PKNOX2: variants seen among roughly 807,000 people sequenced by gnomAD.
PKNOX2 encodes the protein PBX/knotted 1 homeobox 2, also known as homeobox protein PKNOX2.
A neutral mutation model predicts 53.1 loss-of-function variants in PKNOX2; 14 were observed. The ratio of observed to expected loss-of-function variants is 0.26; its 90% CI spans 0.17 to 0.41. PKNOX2 has a LOEUF of 0.41. PKNOX2 is among the 10% of genes least tolerant of loss of function. PKNOX2 has a pLI of 1.00. For missense variants in PKNOX2, 496 were observed against 602.8 expected, an observed-to-expected ratio of 0.82 and a Z score of 1.85; for synonymous variants, 257 against 242.8, an observed-to-expected ratio of 1.06 and a Z score of -0.54.
At chr11:125,411,608 A>C in intron 9 of PKNOX2, 138 bp from the exon 10 acceptor site, 1 of 1,386,308 alleles carries the variant, frequency 7.2e-7, no homozygotes, top group South Asian at 1.2e-5. Context: ...GCTGAGAGGG[A>C]AAGGTGACCT....
intron 2 of PKNOX2, chr11:125,330,255 C>A (rs57947808): frequency 0.069 from 10,447 of 152,378 alleles, 1,082 homozygotes; most frequent in African/African-American, 0.22. Context: ...GGAGGAATCA[C>A]GCATATCTCC....
chr11:125,315,502 G>T (rs1043328131), intron 2 of PKNOX2, among the ~76,000 whole-genome samples: 4 of 152,084 alleles, frequency 2.6e-5, no homozygotes, highest in African/African-American at 7.2e-5. Context: ...GAGTGGGCTT[G>T]GTGCCAGCAC....
chr11:125,189,367 ATGTATATATATATATGTG>A (rs769504015), intron 1 of PKNOX2, among the ~76,000 whole-genome samples: 150 of 95,134 alleles, frequency 1.6e-3, no homozygotes, highest in African/African-American at 5.8e-3. Context: ...ATATATATAT[ATGTATATATATATATGTG>A]TGTATATATA....
intron 2 of PKNOX2, among the ~76,000 whole-genome samples, chr11:125,253,421 G>A (rs1028135318): frequency 6.6e-6 from 1 of 152,130 alleles, no homozygotes; most frequent in African/African-American, 2.4e-5. Flanking sequence ...GAGCCTGTTT[G>A]GGTGTGAGTG....
rs142862381 is a variant in PKNOX2, at chr11:125,285,234, C to T, written c.-129-46585C>T. Among the ~76,000 whole-genome samples, 446 of 152,236 alleles carry T rather than the reference C, an allele frequency of 2.9e-3. 1 individual carries two copies. Among genetic ancestry groups the T allele is most frequent in the Non-Finnish European group, 4.3e-3 (295 of 68,018 alleles). On this transcript the variant is annotated intron_variant, in intron 2 of 12. Coordinates refer to ENST00000298282, the MANE Select transcript of PKNOX2 (RefSeq NM_001382323.2). ...GCCTGAACCAGGACTCAGGCTGGTG[C>T]TCCTACACACAGTCTGCTGCTTTGA...
chr11:125,189,003 G>C (rs965440654), intron 1 of PKNOX2, among the ~76,000 whole-genome samples: 3 of 152,060 alleles, frequency 2.0e-5, no homozygotes, highest in African/African-American at 7.2e-5. Context: ...AGGAGTTGCT[G>C]CTGATGGTCT....
chr11:125,400,559 A>C (rs891445743), intron 7 of PKNOX2, among the ~76,000 whole-genome samples: 1 of 152,172 alleles, frequency 6.6e-6, no homozygotes, highest in Non-Finnish European at 1.5e-5. Context: ...GGGTGGGCCA[A>C]TCTGACTGTT....
At position 125,227,282 on chromosome 11, in the gene PKNOX2, G is replaced by C. The variant is rs1056859260; in HGVS notation, c.-200-7763G>C. Among the ~76,000 whole-genome samples, 3 of 151,992 alleles carry C rather than the reference G, an allele frequency of 2.0e-5. No homozygotes were observed. The East Asian group carries it at 5.8e-4, about 29-fold the overall frequency. On this transcript the variant is annotated intron_variant, in intron 1 of 12. Transcript: ENST00000298282. ...GTGTTTGATGACATTAAGTATATTC[G>C]CATTGTTGTGCAACCATCACTGCCA...
intron 1 of PKNOX2, among the ~76,000 whole-genome samples, chr11:125,170,989 G>A (rs566153323): frequency 6.7e-6 from 1 of 148,818 alleles, no homozygotes; most frequent in African/African-American, 2.5e-5. Context: ...TGGGGTGGAG[G>A]AGGAGCCAGA....
chr11:125,255,645 G>C (rs752976136), intron 2 of PKNOX2, among the ~76,000 whole-genome samples: 3 of 152,014 alleles, frequency 2.0e-5, no homozygotes, highest in Non-Finnish European at 4.4e-5. Flanking sequence ...GATATTTTCA[G>C]AATGAGACAA....
At chr11:125,381,406 C>T (rs1028668550) in intron 5 of PKNOX2, among the ~76,000 whole-genome samples, 1 of 152,094 alleles carries the variant, frequency 6.6e-6, no homozygotes, top group African/African-American at 2.4e-5. Context: ...CAGGCCAGTA[C>T]CTGTAAAGTC....
chr11:125,373,358 C>T (rs566435780), intron 5 of PKNOX2, among the ~76,000 whole-genome samples: 4 of 152,222 alleles, frequency 2.6e-5, no homozygotes, highest in Non-Finnish European at 5.9e-5. Context: ...AAGTCTGGTA[C>T]ATTCGGGGGG....
At chr11:125,326,267 G>A (rs988750687) in intron 2 of PKNOX2, among the ~76,000 whole-genome samples, 11 of 152,342 alleles carry the variant, frequency 7.2e-5, no homozygotes, top group Middle Eastern at 3.4e-3. Flanking sequence ...CTGCAGAAAG[G>A]CAGGACTTGA....
chr11:125,260,499 T>C (rs1379747284), intron 2 of PKNOX2, among the ~76,000 whole-genome samples: 1 of 151,942 alleles, frequency 6.6e-6, no homozygotes, highest in Non-Finnish European at 1.5e-5. Context: ...GCCCAGCCTG[T>C]TTTATGGTTT....
In PKNOX2 at chr11:125,343,541, T is replaced by G. The variant is rs1253869031; in HGVS notation, c.-22-7743T>G. On this transcript the variant is annotated intron_variant, in intron 3 of 12. Coordinates refer to ENST00000298282, the MANE Select transcript of PKNOX2 (RefSeq NM_001382323.2). Reference sequence around the variant, plus strand: ...TGTGAGAACTCTTGCCTGCTATTTATGGGATTGATTCTCAGATCAAGAAGA... The same window carrying G: ...TGTGAGAACTCTTGCCTGCTATTTAGGGGATTGATTCTCAGATCAAGAAGA... Among the ~76,000 whole-genome samples, 7 of 152,220 alleles carry G rather than the reference T, an allele frequency of 4.6e-5. No homozygotes were observed. In the East Asian group the frequency reaches 1.3e-3, roughly 29 times the overall value.
chr11:125,320,603 T>G (rs1949465237), intron 2 of PKNOX2, among the ~76,000 whole-genome samples: 1 of 152,176 alleles, frequency 6.6e-6, no homozygotes, highest in South Asian at 2.1e-4. Flanking sequence ...TCCTCCCCAT[T>G]TAGCTAATGG....
chr11:125,375,730 C>T (rs187277661), intron 5 of PKNOX2, among the ~76,000 whole-genome samples: 1 of 152,322 alleles, frequency 6.6e-6, no homozygotes, highest in Non-Finnish European at 1.5e-5. Context: ...AGCATCTCTT[C>T]CCCTTGAAGT....
At chr11:125,233,471 A>G (rs1199587136) in intron 1 of PKNOX2, among the ~76,000 whole-genome samples, 1 of 152,176 alleles carries the variant, frequency 6.6e-6, no homozygotes, top group Non-Finnish European at 1.5e-5. Context: ...GAATGATGAG[A>G]GTCCACCATT....
Position 125,341,049 on chromosome 11 carries a change from C to CA in PKNOX2, c.-23+9147dup, listed in dbSNP as rs58556639. On this transcript the variant is annotated intron_variant, in intron 3 of 12. Coordinates refer to ENST00000298282, the MANE Select transcript of PKNOX2 (RefSeq NM_001382323.2). ...TGGGTGACAGAGTAAGACTCCATCT[C>CA]AAAAAAAAAAAAAAAAAAAAAAAGT... 9.6e-3 allele frequency among the ~76,000 whole-genome samples: 436 copies of CA among 45,386 alleles called. 2 individuals carry two copies. The highest frequency in any genetic ancestry group is 0.016 in the South Asian group (20 of 1,244). The allele number at this position is 45,386 out of a possible 152,430, so 29.8% of individuals were successfully genotyped here.
Sources: allele counts gnomAD v4.1 joint callset (sites outside exome capture counted in the v4.1 genomes callset), GRCh38; gene constraint gnomAD v4.1.1; transcripts MANE v1.5; gene names NCBI Gene and HGNC (gene_info 2026-07-23, HGNC 2026-07-21).